Variants in GOLGA4 observed in about 807,000 individuals in gnomAD.
GOLGA4 encodes the protein golgin A4.
A neutral mutation model predicts 265.9 loss-of-function variants in GOLGA4; 169 were observed. That is an observed-to-expected ratio of 0.64 (90% CI 0.56 to 0.72). The LOEUF is 0.72. Ranked by LOEUF, GOLGA4 falls within the 30% of genes least tolerant of loss-of-function variation. The pLI is 0.00. For synonymous variants in GOLGA4, 923 were observed against 855.8 expected (o/e 1.08, Z -1.37); for missense variants, 2,482 against 2,483.4 (o/e 1.00, Z 0.01).
chr3:37,278,157 A>G (rs1392236660), intron 2 of GOLGA4, among the ~76,000 whole-genome samples: 1 of 152,154 alleles, frequency 6.6e-6, no homozygotes, highest in African/African-American at 2.4e-5. Context: ...AACATAAAAA[A>G]AAAGAATATT....
chr3:37,250,342 C>T (rs1329942702), intron 1 of GOLGA4: 1 of 152,170 alleles, frequency 6.6e-6, no homozygotes, highest in Non-Finnish European at 1.5e-5. Flanking sequence ...GGCCAGTTGT[C>T]CCAACATTTA....
chr3:37,340,468 A>G (rs1473333063), intron 20 of GOLGA4, among the ~76,000 whole-genome samples: 1 of 152,150 alleles, frequency 6.6e-6, no homozygotes, highest in East Asian at 1.9e-4. Context: ...TTTAAAATCT[A>G]CTCTTTTCAC....
intron 21 of GOLGA4, among the ~76,000 whole-genome samples, chr3:37,352,963 G>A (rs749810720): frequency 4.6e-5 from 7 of 152,016 alleles, no homozygotes; most frequent in Non-Finnish European, 8.8e-5. Flanking sequence ...AGAGGCATGC[G>A]AGTCTTCCTT....
At chr3:37,302,412 G>A (rs2096895561) in intron 10 of GOLGA4, 80 bp downstream of exon 10, 1 of 1,206,372 alleles carries the variant, frequency 8.3e-7, no homozygotes, top group East Asian at 2.5e-5. Flanking sequence ...TTAAAAATGA[G>A]TTAAATATTG....
At chr3:37,363,027 C>T (rs1259305781) in intron 23 of GOLGA4, among the ~76,000 whole-genome samples, 1 of 151,980 alleles carries the variant, frequency 6.6e-6, no homozygotes, top group East Asian at 1.9e-4. Flanking sequence ...CATGATCTGC[C>T]CACCTTGGCC....
At chr3:37,334,990 T>A in intron 16 of GOLGA4, 63 bp from the exon 17 acceptor site, 4 of 980,652 alleles carry the variant, frequency 4.1e-6, no homozygotes, top group Non-Finnish European at 6.1e-6. Context: ...TTTTTTGATG[T>A]GTTTGTTTAC....
Position 37,335,041 on chromosome 3 carries a change from T to A in GOLGA4, c.6193-12T>A, listed in dbSNP as rs183410764. The A allele has an allele frequency of 4.6e-4, 672 of 1,470,510 alleles. 1 individual carries two copies. The highest frequency in any genetic ancestry group is 5.7e-4 in the Non-Finnish European group (616 of 1,079,698). 91.1% of individuals were successfully genotyped at this position (1,470,510 alleles called of 1,614,324 possible). A position where few individuals can be genotyped will look rare whatever the true frequency, so the allele number is the denominator to read the frequency against. ...TTCTTTTCCTTTTTTTCTTTTTTTT[T>A]AAATCCTAAAGGCTCGTGAAGAAGA... On this transcript the variant is annotated splice_polypyrimidine_tract_variant and intron_variant, in intron 16 of 23. Transcript: ENST00000361924.
intron 2 of GOLGA4, among the ~76,000 whole-genome samples, chr3:37,275,230 A>G (rs1364806428): frequency 6.7e-6 from 1 of 149,252 alleles, no homozygotes; most frequent in Non-Finnish European, 1.5e-5. Context: ...AAAAAAAAAA[A>G]AAAAAAAAAA....
intron 6 of GOLGA4, 84 bp from the exon 7 acceptor site, chr3:37,296,003 C>A: frequency 8.1e-7 from 1 of 1,239,460 alleles, no homozygotes; most frequent in South Asian, 1.3e-5. Context: ...ATCCTGGAAC[C>A]AATCCCCCAC....
intron 21 of GOLGA4, among the ~76,000 whole-genome samples, chr3:37,350,037 C>T (rs986752442): frequency 3.3e-5 from 5 of 152,110 alleles, no homozygotes; most frequent in Non-Finnish European, 5.9e-5. Flanking sequence ...AGCCTGTTCT[C>T]CTTTTCAACA....
At position 37,269,038 on chromosome 3, in the gene GOLGA4, C is replaced by T. The variant is rs560914401; in HGVS notation, c.163-12920C>T. On this transcript the variant is annotated intron_variant, in intron 2 of 23. Coordinates refer to ENST00000361924, the MANE Select transcript of GOLGA4 (RefSeq NM_002078.5). ...TGTTTACCCCAAATTCTAAAATTACCGTAACCTTGGTGCTCAGCAGTCAAT... is the reference window on the plus strand; with the variant it reads ...TGTTTACCCCAAATTCTAAAATTACTGTAACCTTGGTGCTCAGCAGTCAAT... 2.4e-4 allele frequency among the ~76,000 whole-genome samples: 37 copies of T among 152,194 alleles called. 1 individual carries two copies. Among genetic ancestry groups the T allele is most frequent in the South Asian group, 6.2e-4 (3 of 4,810 alleles).
intron 20 of GOLGA4, among the ~76,000 whole-genome samples, chr3:37,342,487 T>A (rs2097039506): frequency 1.3e-5 from 2 of 152,230 alleles, no homozygotes; most frequent in African/African-American, 4.8e-5. Flanking sequence ...CTTTTCTTAA[T>A]CATTATCTTG....
chr3:37,293,161 G>A lies in GOLGA4; in HGVS notation c.583-1818G>A, dbSNP rs573305652. Among the ~76,000 whole-genome samples, 16 of 152,320 alleles carry A rather than the reference G, an allele frequency of 1.1e-4. No individual in the cohort carries two copies. The South Asian group carries it at 3.3e-3, about 32-fold the overall frequency. On this transcript the variant is annotated intron_variant, in intron 5 of 23. Coordinates refer to ENST00000361924, the MANE Select transcript of GOLGA4 (RefSeq NM_002078.5). ...GAGGAGGACTTGAGGTAAGAAATCT[G>A]TCTAGAAGGCTATTGAAGGAAATTA...
At chr3:37,301,033 G>A (rs185550638) in intron 9 of GOLGA4, among the ~76,000 whole-genome samples, 5 of 152,244 alleles carry the variant, frequency 3.3e-5, no homozygotes, top group South Asian at 2.1e-4. Flanking sequence ...CCTCACTTAC[G>A]TGGTTGTTAT....
At chr3:37,281,919 G>A (rs1456532310) in intron 2 of GOLGA4, 39 bp from the exon 3 acceptor site, 2 of 1,428,882 alleles carry the variant, frequency 1.4e-6, no homozygotes, top group African/African-American at 2.8e-5. Flanking sequence ...CTAAATGTAT[G>A]TATTTTAATC....
At chr3:37,284,274 T>C (rs2096842313) in intron 3 of GOLGA4, among the ~76,000 whole-genome samples, 1 of 152,110 alleles carries the variant, frequency 6.6e-6, no homozygotes, top group Non-Finnish European at 1.5e-5. Context: ...CCATTTTTCT[T>C]TTTTTTGTGA....
At chr3:37,253,038 C>T (rs774340419) in intron 2 of GOLGA4, among the ~76,000 whole-genome samples, 1 of 151,994 alleles carries the variant, frequency 6.6e-6, no homozygotes, top group Non-Finnish European at 1.5e-5. Flanking sequence ...TGCTTGAGTC[C>T]AGGAGTTTGA....
intron 10 of GOLGA4, among the ~76,000 whole-genome samples, chr3:37,314,219 C>T (rs2096930908): frequency 6.6e-6 from 1 of 152,080 alleles, no homozygotes; most frequent in African/African-American, 2.4e-5. Flanking sequence ...CCTCAGCCTC[C>T]AAAAGTGCTG....
chr3:37,358,794 A>G (rs1291198286), intron 22 of GOLGA4, among the ~76,000 whole-genome samples: 1 of 152,222 alleles, frequency 6.6e-6, no homozygotes, highest in Non-Finnish European at 1.5e-5. Context: ...CGGTGATACC[A>G]GCCCACAAAA....
Sources: gnomAD v4.1 joint callset for allele counts (sites outside exome capture counted in the v4.1 genomes callset) on GRCh38, gnomAD v4.1.1 for gene constraint, MANE v1.5 for transcripts, NCBI Gene and HGNC (gene_info 2026-07-23, HGNC 2026-07-21) for gene names.